The following MYO7A variants were observed in gnomAD, a reference collection of about 807,000 sequenced individuals.
The protein encoded by MYO7A is myosin VIIA.
A neutral mutation model predicts 263.8 loss-of-function variants in MYO7A; 210 were observed. That is an observed-to-expected ratio of 0.80 (90% CI 0.71 to 0.89). The LOEUF is 0.89. Ranked by LOEUF, MYO7A falls within the 40% of genes least tolerant of loss-of-function variation. The pLI, the probability that MYO7A is intolerant of heterozygous loss-of-function variation, is 0.00. For missense variants in MYO7A, 2,820 were observed against 2,968.3 expected, an observed-to-expected ratio of 0.95 and a Z score of 1.16; for synonymous variants, 1,239 against 1,197.3, an observed-to-expected ratio of 1.03 and a Z score of -0.72.
At chr11:77,161,588 TCAGTTC>T (rs1380090199) in intron 12 of MYO7A, among the ~76,000 whole-genome samples, 1 of 152,158 alleles carries the variant, frequency 6.6e-6, no homozygotes, top group African/African-American at 2.4e-5. Flanking sequence ...GCAAGTCATA[TCAGTTC>T]CCTTGCTGTT....
chr11:77,142,009 T>C (rs1951238232), intron 2 of MYO7A, among the ~76,000 whole-genome samples: 2 of 152,226 alleles, frequency 1.3e-5, no homozygotes, highest in African/African-American at 2.4e-5. Context: ...TCAATACATG[T>C]TTGTTGAATC....
At chr11:77,131,860 C>A (rs1006306633) in intron 2 of MYO7A, among the ~76,000 whole-genome samples, 1 of 152,224 alleles carries the variant, frequency 6.6e-6, no homozygotes, top group Non-Finnish European at 1.5e-5. Context: ...GGGGAACCGG[C>A]CAGCTCTGCA....
chr11:77,208,091 C>T (rs1957580914), intron 42 of MYO7A, among the ~76,000 whole-genome samples: 1 of 152,202 alleles, frequency 6.6e-6, no homozygotes, highest in Non-Finnish European at 1.5e-5. Flanking sequence ...GTCCTAGACC[C>T]AGGGGAGCCC....
chr11:77,188,875 A>G (rs1555089880), intron 27 of MYO7A, among the ~76,000 whole-genome samples: 1 of 152,218 alleles, frequency 6.6e-6, no homozygotes, highest in Non-Finnish European at 1.5e-5. Flanking sequence ...GTGACACCCC[A>G]GGATGCTTTT....
At chr11:77,180,865 G>A (rs543552329) in intron 22 of MYO7A, among the ~76,000 whole-genome samples, 2 of 152,344 alleles carry the variant, frequency 1.3e-5, no homozygotes, top group South Asian at 2.1e-4. Flanking sequence ...AGTGCTTTAA[G>A]TGTGAAATAC....
intron 4 of MYO7A, among the ~76,000 whole-genome samples, chr11:77,148,300 C>G (rs1370315265): frequency 1.3e-5 from 2 of 152,204 alleles, no homozygotes; most frequent in African/African-American, 4.8e-5. Context: ...GAGGGCAGCT[C>G]TGCTGGGCGT....
Position 77,138,565 on chromosome 11 carries a change from G to A in MYO7A, c.19-4144G>A, listed in dbSNP as rs545052692. ...GGACTGCGGCCCTAGGATGCCACCTGCGGTCTCTGACCTCCCCCAGTGTGA... is the reference window on the plus strand; with the variant it reads ...GGACTGCGGCCCTAGGATGCCACCTACGGTCTCTGACCTCCCCCAGTGTGA... On this transcript the variant is annotated intron_variant, in intron 2 of 48. Coordinates refer to ENST00000409709, the MANE Select transcript of MYO7A (RefSeq NM_000260.4). The surrounding 1 kb of genome is among the most constrained non-coding windows in gnomAD (Gnocchi z 4.9). Among the ~76,000 whole-genome samples the A allele has an allele frequency of 4.6e-5, 7 of 152,312 alleles. No homozygotes were observed. In the South Asian group the frequency reaches 1.4e-3, roughly 32 times the overall value.
chr11:77,190,792 G>C lies in MYO7A; in HGVS notation c.3846G>C (p.Glu1282Asp). Reference sequence around the variant, plus strand: ...CGGACTCGGCAACCACGGCCAAGGAGCTCTGCAACGCGCTGGCCGACAAGA... The same window carrying C: ...CGGACTCGGCAACCACGGCCAAGGACCTCTGCAACGCGCTGGCCGACAAGA... ...LLTDSATTAK[E>D]LCNALADKIS... Residue 1282 changes from glutamate (E) to aspartate (D), a missense_variant, in exon 30 of 49, where the codon GAG becomes GAC. Glu to Asp is a conservative substitution (Grantham distance 45). Transcript: ENST00000409709. 6.3e-7 allele frequency: 1 copy of C among 1,594,170 alleles called. No individual in the cohort carries two copies. The highest frequency in any genetic ancestry group is 2.3e-5 in the East Asian group (1 of 43,860).
At chr11:77,180,815 G>T (rs1426241905) in intron 22 of MYO7A, among the ~76,000 whole-genome samples, 1 of 152,194 alleles carries the variant, frequency 6.6e-6, no homozygotes, top group Non-Finnish European at 1.5e-5. Context: ...CAGCCACAGT[G>T]GCAACTGAAC....
At chr11:77,195,336 G>T (rs187520206) in intron 32 of MYO7A, among the ~76,000 whole-genome samples, 187 of 152,052 alleles carry the variant, frequency 1.2e-3, no homozygotes, top group African/African-American at 4.0e-3. Context: ...CAGAGGAGGA[G>T]CGTCTCCTCC....
rs942012882 is a variant in MYO7A at position 77,138,585 on chromosome 11, G to A, written c.19-4124G>A. ...CACCTGCGGTCTCTGACCTCCCCCA[G>A]TGTGAACTTGGCCGCGGCTGCCCTT... On this transcript the variant is annotated intron_variant, in intron 2 of 48. Transcript: ENST00000409709. The surrounding 1 kb of genome is among the most constrained non-coding windows in gnomAD (Gnocchi z 4.9). Among the ~76,000 whole-genome samples the A allele has an allele frequency of 2.0e-5, 3 of 152,204 alleles. No individual in the cohort carries two copies. The highest frequency in any genetic ancestry group is 4.8e-5 in the African/African-American group (2 of 41,460).
At chr11:77,172,622 C>T in intron 15 of MYO7A, 126 bp from the exon 16 acceptor site, 2 of 1,285,326 alleles carry the variant, frequency 1.6e-6, no homozygotes, top group Non-Finnish European at 2.1e-6. Flanking sequence ...AGGAAAACTT[C>T]AAATACCGCC....
intron 17 of MYO7A, 48 bp downstream of exon 17, chr11:77,174,962 G>T (rs1954498239): frequency 6.3e-7 from 1 of 1,592,632 alleles, no homozygotes; most frequent in Admixed American, 1.7e-5. Flanking sequence ...TCCCAGCTTT[G>T]GCTGGGCAAG....
chr11:77,186,351 A>G (rs1380142324), intron 27 of MYO7A, among the ~76,000 whole-genome samples: 1 of 152,202 alleles, frequency 6.6e-6, no homozygotes, highest in Non-Finnish European at 1.5e-5. Context: ...GAAGCCAGCC[A>G]TTGACTTCTC....
chr11:77,181,736 A>G, intron 23 of MYO7A, 147 bp downstream of exon 23: 5 of 825,902 alleles, frequency 6.1e-6, no homozygotes, highest in Non-Finnish European at 9.2e-6. Context: ...TGCAGGTCCC[A>G]GGTCCTGTCC....
Position 77,196,352 on chromosome 11 carries a change from G to A in MYO7A, c.4324-1129G>A, listed in dbSNP as rs537375889. ...TTGCACTCCAGCCTGGGGGACAAGA[G>A]CAAGACTCCTTCTCAAAAAAAAAAA... is the stretch of plus-strand genomic sequence containing the variant. On this transcript the variant is annotated intron_variant, in intron 32 of 48. Transcript: ENST00000409709. 1.9e-3 allele frequency among the ~76,000 whole-genome samples: 262 copies of A among 138,388 alleles called. 1 individual carries two copies. The highest frequency in any genetic ancestry group is 6.9e-3 in the African/African-American group (246 of 35,444). 90.8% of individuals were successfully genotyped at this position (138,388 alleles called of 152,430 possible).
Position 77,160,192 on chromosome 11 carries a change from G to A in MYO7A, c.1110G>A (p.Leu370=). 2 of 1,571,674 alleles carry A rather than the reference G, an allele frequency of 1.3e-6. No individual in the cohort carries two copies. Among genetic ancestry groups the A allele is most frequent in the Non-Finnish European group, 1.7e-6 (2 of 1,159,560 alleles). Residue 370 remains leucine, a synonymous_variant, in exon 11 of 49, where the codon CTG becomes CTA. Transcript: ENST00000409709. ...EVNPPDLMSC[L]TSRTLITRGE... is the part of the protein sequence containing the mutation. The stretch of plus-strand genomic sequence containing the variant: ...ACCCCCCAGACCTGATGAGCTGCCT[G>A]ACTAGCCGCACCCTCATCACCCGCG...
chr11:77,206,265 A>G, intron 41 of MYO7A, 63 bp downstream of exon 41: 1 of 1,318,172 alleles, frequency 7.6e-7, no homozygotes, highest in Non-Finnish European at 1.1e-6. Flanking sequence ...CTGGGTGGAC[A>G]CCAAAGGTGG....
chr11:77,134,742 G>A (rs1446508614), intron 2 of MYO7A, among the ~76,000 whole-genome samples: 1 of 133,668 alleles, frequency 7.5e-6, no homozygotes, highest in Admixed American at 7.3e-5. Flanking sequence ...TTCCAATTTT[G>A]TATTTTTTAA....
Sources: gnomAD v4.1 joint callset for allele counts (sites outside exome capture counted in the v4.1 genomes callset) on GRCh38, gnomAD v4.1.1 for gene constraint, Gnocchi (gnomAD v3.1) non-coding constraint, MANE v1.5 for transcripts, NCBI Gene and HGNC (gene_info 2026-07-23, HGNC 2026-07-21) for gene names.